Variants in DAPK1 observed in about 807,000 individuals in gnomAD.
DAPK1 encodes death-associated protein kinase 1.
A neutral mutation model predicts 144.9 loss-of-function variants in DAPK1; 56 were observed. The ratio of observed to expected loss-of-function variants is 0.39; its 90% CI spans 0.31 to 0.48. The LOEUF (loss-of-function observed/expected upper bound fraction) is 0.48, where lower values mean the gene tolerates loss of function less well. DAPK1 is among the 20% of genes least tolerant of loss of function. The pLI, the probability that DAPK1 is intolerant of heterozygous loss-of-function variation, is 0.95. For synonymous variants in DAPK1, 690 were observed against 749.0 expected (o/e 0.92, Z 1.29); for missense variants, 1,454 against 1,875.4 (o/e 0.78, Z 4.15).
At chr9:87,500,434 T>A (rs895248925) in intron 2 of DAPK1, among the ~76,000 whole-genome samples, 11 of 152,170 alleles carry the variant, frequency 7.2e-5, no homozygotes, top group African/African-American at 2.4e-4. Context: ...ATAACTTTAC[T>A]GTGGTTTTCA....
chr9:87,551,799 C>T (rs1360231686), intron 2 of DAPK1, among the ~76,000 whole-genome samples: 1 of 152,184 alleles, frequency 6.6e-6, no homozygotes, highest in African/African-American at 2.4e-5. Context: ...CGGAGAGAGT[C>T]ACCGTAGAGC....
intron 17 of DAPK1, among the ~76,000 whole-genome samples, chr9:87,655,381 A>T (rs1054047072): frequency 1.3e-5 from 2 of 151,710 alleles, no homozygotes; most frequent in Admixed American, 1.3e-4. Flanking sequence ...AGGAAAGGTG[A>T]TGGGGGCTTT....
chr9:87,562,398 C>T (rs1444841528), intron 2 of DAPK1, among the ~76,000 whole-genome samples: 1 of 152,128 alleles, frequency 6.6e-6, no homozygotes, highest in African/African-American at 2.4e-5. Context: ...GAGGCTGTCA[C>T]AAATTAAGGA....
At chr9:87,595,483 T>A (rs1039384529) in intron 2 of DAPK1, among the ~76,000 whole-genome samples, 1 of 152,226 alleles carries the variant, frequency 6.6e-6, no homozygotes, top group African/African-American at 2.4e-5. Context: ...GCTATCTTTC[T>A]AATCTCCCCT....
chr9:87,560,965 T>G (rs1826894442), intron 2 of DAPK1, among the ~76,000 whole-genome samples: 1 of 152,126 alleles, frequency 6.6e-6, no homozygotes, highest in South Asian at 2.1e-4. Flanking sequence ...CGCGCCTGGC[T>G]AGGATGTGCT....
chr9:87,617,234 G>T (rs2119021037), intron 3 of DAPK1, among the ~76,000 whole-genome samples: 1 of 152,262 alleles, frequency 6.6e-6, no homozygotes, highest in East Asian at 1.9e-4. Flanking sequence ...TTTTTTGGAA[G>T]CATGATCCCC....
intron 3 of DAPK1, among the ~76,000 whole-genome samples, chr9:87,605,935 C>G (rs1181002305): frequency 6.6e-6 from 1 of 152,166 alleles, no homozygotes; most frequent in Admixed American, 6.5e-5. Flanking sequence ...TGCTCTGTCT[C>G]CGGGCTTTTG....
chr9:87,506,365 G>C (rs1288862568), intron 2 of DAPK1, among the ~76,000 whole-genome samples: 2 of 152,320 alleles, frequency 1.3e-5, no homozygotes, highest in South Asian at 2.1e-4. Context: ...ACTTTCGCAG[G>C]CCTTAACGAC....
At chr9:87,594,527 G>A (rs994119071) in intron 2 of DAPK1, among the ~76,000 whole-genome samples, 3 of 152,174 alleles carry the variant, frequency 2.0e-5, no homozygotes, top group East Asian at 3.8e-4. Context: ...GAAGGAACTG[G>A]GCCTAGAGGA....
At chr9:87,667,961 A>G (rs1179104234) in intron 18 of DAPK1, 1 of 152,868 alleles carries the variant, frequency 6.5e-6, no homozygotes, top group Non-Finnish European at 1.5e-5. Flanking sequence ...GTCATCGTGT[A>G]TGTTCATGGT....
intron 17 of DAPK1, among the ~76,000 whole-genome samples, chr9:87,652,375 C>T (rs1225694188): frequency 3.1e-4 from 22 of 71,202 alleles, no homozygotes; most frequent in African/African-American, 1.3e-3. Flanking sequence ...CACCTGATCC[C>T]GGGTCCTGAT....
At chr9:87,689,835 A>C (rs917972860) in intron 21 of DAPK1, among the ~76,000 whole-genome samples, 1 of 151,630 alleles carries the variant, frequency 6.6e-6, no homozygotes, top group African/African-American at 2.4e-5. Context: ...TTTATTTCTG[A>C]GTTTTCTATT....
chr9:87,572,660 C>A lies in DAPK1; in HGVS notation c.63-32294C>A, dbSNP rs545857504. ...GCTCTCCCCATGTGAAGTGCCTGCTCCTACTTCACCATCCACCAAGAGTGA... is the reference window on the plus strand; with the variant it reads ...GCTCTCCCCATGTGAAGTGCCTGCTACTACTTCACCATCCACCAAGAGTGA... On this transcript the variant is annotated intron_variant, in intron 2 of 25. Coordinates refer to ENST00000408954, the MANE Select transcript of DAPK1 (RefSeq NM_004938.4). Among the ~76,000 whole-genome samples, 7 of 152,254 alleles carry A rather than the reference C, an allele frequency of 4.6e-5. No homozygotes were observed. The East Asian group carries it at 1.4e-3, about 29-fold the overall frequency.
intron 21 of DAPK1, among the ~76,000 whole-genome samples, chr9:87,693,492 T>C (rs1446562919): frequency 6.6e-6 from 1 of 152,180 alleles, no homozygotes; most frequent in Non-Finnish European, 1.5e-5. Flanking sequence ...ATTGTTTTTC[T>C]GGATTCTCTT....
chr9:87,525,525 A>G (rs1292392954), intron 2 of DAPK1: 14 of 1,122,530 alleles, frequency 1.2e-5, no homozygotes, highest in South Asian at 4.9e-5. Context: ...ATGAAAAACC[A>G]TGATAGTTCT....
chr9:87,611,355 T>TACCC (rs1191851569), intron 3 of DAPK1, among the ~76,000 whole-genome samples: 1 of 152,184 alleles, frequency 6.6e-6, no homozygotes, highest in Non-Finnish European at 1.5e-5. Context: ...GTCCCTATGT[T>TACCC]ACCCAGGCTG....
chr9:87,585,484 C>T (rs932750609), intron 2 of DAPK1, among the ~76,000 whole-genome samples: 3 of 152,164 alleles, frequency 2.0e-5, no homozygotes, highest in African/African-American at 7.2e-5. Context: ...ACACAAATTA[C>T]GAGCTGGAAA....
intron 22 of DAPK1, among the ~76,000 whole-genome samples, chr9:87,697,409 T>C (rs1299169279): frequency 6.6e-6 from 1 of 152,254 alleles, no homozygotes; most frequent in African/African-American, 2.4e-5. Flanking sequence ...AGAAGCTTCA[T>C]GAGGCTCAAG....
At chr9:87,592,251 G>A (rs543470231) in intron 2 of DAPK1, among the ~76,000 whole-genome samples, 2 of 152,330 alleles carry the variant, frequency 1.3e-5, no homozygotes, top group East Asian at 1.9e-4. Flanking sequence ...AACCCAGCAA[G>A]AGGAAGGGCT....
Sources: gnomAD v4.1 joint callset for allele counts (sites outside exome capture counted in the v4.1 genomes callset) on GRCh38, gnomAD v4.1.1 for gene constraint, MANE v1.5 for transcripts, NCBI Gene and HGNC (gene_info 2026-07-23, HGNC 2026-07-21) for gene names.